The following GPR19 variants were observed in gnomAD, a reference collection of about 807,000 sequenced individuals.
The protein encoded by GPR19 is probable G protein-coupled receptor 19.
A neutral mutation model predicts 28.5 loss-of-function variants in GPR19; 14 were observed. The observed-to-expected ratio is 0.49, with a 90% CI of 0.32 to 0.77. The LOEUF is 0.77. GPR19 is among the 30% of genes least tolerant of loss of function. GPR19 has a pLI of 0.03. For missense variants in GPR19, 409 were observed against 504.1 expected (o/e 0.81, Z 1.81); for synonymous variants, 173 against 184.1 (o/e 0.94, Z 0.49).
the GPR19 span, among the ~76,000 whole-genome samples, chr12:12,711,586 T>C: frequency 2.6e-5 from 4 of 152,286 alleles, no homozygotes; most frequent in East Asian, 5.8e-4. Context: ...GGGAATTTCA[T>C]GTTGCTGGGC....
At chr12:12,708,336 T>C in the GPR19 span, among the ~76,000 whole-genome samples, 1 of 152,148 alleles carries the variant, frequency 6.6e-6, no homozygotes, top group African/African-American at 2.4e-5. Flanking sequence ...AAAATTTTCA[T>C]CTAAGTAAAA....
At chr12:12,689,967 C>T (rs1365004812) in intron 2 of GPR19, among the ~76,000 whole-genome samples, 1 of 152,204 alleles carries the variant, frequency 6.6e-6, no homozygotes, top group African/African-American at 2.4e-5. Flanking sequence ...AGGAGATTCT[C>T]CAGCCCTAGT....
chr12:12,716,147 C>T, the GPR19 span, among the ~76,000 whole-genome samples: 11 of 152,250 alleles, frequency 7.2e-5, no homozygotes, highest in African/African-American at 2.6e-4. Flanking sequence ...GGTGCTCAAG[C>T]CCACACTGAG....
the GPR19 span, among the ~76,000 whole-genome samples, chr12:12,701,431 A>G: frequency 6.6e-6 from 1 of 152,222 alleles, no homozygotes; most frequent in Non-Finnish European, 1.5e-5. Flanking sequence ...TATCTGGCAT[A>G]TAAAGCTTTT....
the GPR19 span, among the ~76,000 whole-genome samples, chr12:12,713,618 C>T: frequency 2.0e-5 from 3 of 152,180 alleles, no homozygotes; most frequent in African/African-American, 7.2e-5. Flanking sequence ...CTGCAACCTC[C>T]GCCTCCTGTG....
intron 3 of GPR19, among the ~76,000 whole-genome samples, chr12:12,670,218 A>C (rs1485036795): frequency 6.6e-6 from 1 of 152,214 alleles, no homozygotes; most frequent in Non-Finnish European, 1.5e-5. Flanking sequence ...GATAAATAAC[A>C]AATAATTTTT....
Position 12,671,987 on chromosome 12 carries a change from T to G in GPR19, c.-22-9517A>C, listed in dbSNP as rs1245943162. On this transcript the variant is annotated intron_variant, in intron 3 of 3. Coordinates refer to ENST00000651487, the MANE Select transcript of GPR19 (RefSeq NM_006143.3). ...CCAAAAGCAAAAGCCGTGAGGACCATCAGTAACTGAGAGAATTAAGATGGG... is the reference window on the plus strand; with the variant it reads ...CCAAAAGCAAAAGCCGTGAGGACCAGCAGTAACTGAGAGAATTAAGATGGG... Among the ~76,000 whole-genome samples, 8 of 152,156 alleles carry G rather than the reference T, an allele frequency of 5.3e-5. 1 individual carries two copies. The highest frequency in any genetic ancestry group is 5.2e-4 in the Admixed American group (8 of 15,280).
chr12:12,689,084 TA>T (rs1946137941), intron 2 of GPR19, among the ~76,000 whole-genome samples: 1 of 152,138 alleles, frequency 6.6e-6, no homozygotes, highest in Admixed American at 6.5e-5. Context: ...TGGCAGAAAG[TA>T]AAACAGAAGC....
the GPR19 span, among the ~76,000 whole-genome samples, chr12:12,702,217 T>G: frequency 6.6e-6 from 1 of 151,708 alleles, no homozygotes; most frequent in Non-Finnish European, 1.5e-5. Context: ...TGAATTTAAT[T>G]GTGCTGTATC....
In GPR19 at chr12:12,661,870, G is replaced by A; in HGVS notation, c.579C>T (p.Gly193=). The change falls in exon 4 of 4, where the codon GGC becomes GGT. Residue 193 remains glycine, a synonymous_variant. Coordinates refer to ENST00000651487, the MANE Select transcript of GPR19 (RefSeq NM_006143.3). This position sits in a 1 kb window ranked among gnomAD's most constrained non-coding sequence, Gnocchi z 4.2. ...MIAASWVFDA[G]FVTPVLFFYG... ...AGAAAAAGAGCACAGGGGTCACAAAGCCTGCATCAAAGACCCACGATGCCG... is the reference window on the plus strand; with the variant it reads ...AGAAAAAGAGCACAGGGGTCACAAAACCTGCATCAAAGACCCACGATGCCG... 6.2e-7 allele frequency: 1 copy of A among 1,614,144 alleles called. No homozygotes were observed. The highest frequency in any genetic ancestry group is 8.5e-7 in the Non-Finnish European group (1 of 1,180,024).
chr12:12,692,370 C>T (rs910198217), intron 2 of GPR19, among the ~76,000 whole-genome samples: 3 of 144,930 alleles, frequency 2.1e-5, no homozygotes, highest in African/African-American at 2.5e-5. Flanking sequence ...AGTGATGACT[C>T]GCTGCTGGCT....
the GPR19 span, among the ~76,000 whole-genome samples, chr12:12,706,202 A>C: frequency 6.6e-6 from 1 of 152,332 alleles, no homozygotes; most frequent in East Asian, 1.9e-4. Flanking sequence ...GGCCAAATGC[A>C]ATGGTCAGTT....
chr12:12,707,989 CTTTTTTTTT>C, the GPR19 span, among the ~76,000 whole-genome samples: 22 of 62,468 alleles, frequency 3.5e-4, no homozygotes, highest in South Asian at 2.4e-3. Context: ...ATTTCCTATT[CTTTTTTTTT>C]TTTTTTTTTT....
In GPR19 at chr12:12,661,339, G is replaced by GA; in HGVS notation, c.1109_1110insT (p.Tyr371LeufsTer21). 6.2e-7 allele frequency: 1 copy of GA among 1,612,844 alleles called. No individual in the cohort carries two copies. Among genetic ancestry groups the GA allele is most frequent in the Non-Finnish European group, 8.5e-7 (1 of 1,179,018 alleles). On this transcript the variant is annotated frameshift_variant, in exon 4 of 4. Transcript: ENST00000651487. LOFTEE classifies it high-confidence loss of function. The surrounding 1 kb of genome is among the most constrained non-coding windows in gnomAD (Gnocchi z 4.2). ...AAGGGATTTCTGAAATGCCAACGTA[G>GA]TTTTTTTTGGCCATCCTTGAACTTG...
intron 2 of GPR19, among the ~76,000 whole-genome samples, chr12:12,694,751 A>G (rs1451746533): frequency 6.6e-6 from 1 of 152,198 alleles, no homozygotes; most frequent in African/African-American, 2.4e-5. Flanking sequence ...CTGATTCCCA[A>G]TTGTACACAC....
Position 12,676,845 on chromosome 12 carries a change from T to C in GPR19, c.-23+7506A>G, listed in dbSNP as rs192821134. On this transcript the variant is annotated intron_variant, in intron 3 of 3. Coordinates refer to ENST00000651487, the MANE Select transcript of GPR19 (RefSeq NM_006143.3). The stretch of plus-strand genomic sequence containing the variant: ...TCAATTCACTACAGCAAACATTTTT[T>C]GAACACCTGCTGTGTGCTCATTGAG... 2.5e-3 allele frequency among the ~76,000 whole-genome samples: 375 copies of C among 152,386 alleles called. 1 individual carries two copies. The highest frequency in any genetic ancestry group is 3.5e-3 in the Admixed American group (53 of 15,306).
chr12:12,714,699 T>C, the GPR19 span, among the ~76,000 whole-genome samples: 1 of 152,282 alleles, frequency 6.6e-6, no homozygotes, highest in Admixed American at 6.5e-5. Flanking sequence ...CCCCCTGGCT[T>C]ACTCGCTTGC....
intron 3 of GPR19, among the ~76,000 whole-genome samples, chr12:12,673,929 A>G (rs1174844452): frequency 6.6e-6 from 1 of 152,090 alleles, no homozygotes; most frequent in East Asian, 1.9e-4. Flanking sequence ...CAAGCATAGA[A>G]GCAGGGAGAA....
intron 2 of GPR19, among the ~76,000 whole-genome samples, chr12:12,692,378 G>C (rs575802333): frequency 2.1e-5 from 2 of 96,508 alleles, no homozygotes; most frequent in South Asian, 9.3e-4. Flanking sequence ...CTCGCTGCTG[G>C]CTTCTCTTGT....
Sources: gnomAD v4.1 joint callset for allele counts (sites outside exome capture counted in the v4.1 genomes callset) on GRCh38, gnomAD v4.1.1 for gene constraint, Gnocchi (gnomAD v3.1) non-coding constraint, MANE v1.5 for transcripts, NCBI Gene and HGNC (gene_info 2026-07-23, HGNC 2026-07-21) for gene names.